The following CPA6 variants were observed in gnomAD, a reference collection of about 807,000 sequenced individuals.
CPA6 encodes carboxypeptidase B.
CPA6 carries 58 observed loss-of-function variants against 63.3 expected under a neutral mutation model. The ratio of observed to expected loss-of-function variants is 0.92; its 90% CI spans 0.74 to 1.14. The LOEUF is 1.14. CPA6 is among the 50% of genes most tolerant of loss of function. CPA6 has a pLI of 0.00. For synonymous variants in CPA6, 185 were observed against 179.0 expected, an observed-to-expected ratio of 1.03 and a Z score of -0.27; for missense variants, 565 against 526.6, an observed-to-expected ratio of 1.07 and a Z score of -0.71.
At chr8:67,590,309 T>A (rs1332475742) in intron 2 of CPA6, among the ~76,000 whole-genome samples, 1 of 151,624 alleles carries the variant, frequency 6.6e-6, no homozygotes, top group Non-Finnish European at 1.5e-5. Context: ...TTTGGCTTGG[T>A]TCCAAGTCTT....
chr8:67,546,308 A>G (rs2128971932), intron 2 of CPA6, among the ~76,000 whole-genome samples: 1 of 152,338 alleles, frequency 6.6e-6, no homozygotes, highest in South Asian at 2.1e-4. Context: ...AGTGAGTTTT[A>G]TGAAATGATT....
chr8:67,633,737 G>A (rs550564831), intron 1 of CPA6, among the ~76,000 whole-genome samples: 1 of 150,732 alleles, frequency 6.6e-6, no homozygotes, highest in South Asian at 2.1e-4. Flanking sequence ...CTAGTGGTTT[G>A]CAAGTTATGC....
chr8:67,733,609 G>T (rs905427688), intron 1 of CPA6, among the ~76,000 whole-genome samples: 3 of 152,098 alleles, frequency 2.0e-5, no homozygotes, highest in Admixed American at 2.0e-4. Flanking sequence ...AACTTCACAA[G>T]ATACTTTGTT....
intron 6 of CPA6, among the ~76,000 whole-genome samples, chr8:67,506,179 C>T (rs1022758462): frequency 6.6e-6 from 1 of 152,140 alleles, no homozygotes; most frequent in Admixed American, 6.6e-5. Flanking sequence ...ACTCAACACA[C>T]TAGCTCAGAG....
chr8:67,539,296 C>A (rs1812656164), intron 2 of CPA6, among the ~76,000 whole-genome samples: 1 of 152,168 alleles, frequency 6.6e-6, no homozygotes. Flanking sequence ...GTTGAAAATT[C>A]TTTTCTTTAA....
At chr8:67,496,563 TTTA>T (rs1811723052) in intron 6 of CPA6, among the ~76,000 whole-genome samples, 3 of 124,208 alleles carry the variant, frequency 2.4e-5, no homozygotes, top group Non-Finnish European at 4.8e-5. Flanking sequence ...ATATATTTAT[TTTA>T]TTTTTTTTTT....
chr8:67,708,866 C>T (rs766877644), intron 1 of CPA6, among the ~76,000 whole-genome samples: 2 of 152,078 alleles, frequency 1.3e-5, no homozygotes, highest in Non-Finnish European at 2.9e-5. Flanking sequence ...CAGGAGAGGG[C>T]CCCCAACCCC....
At position 67,639,883 on chromosome 8, in the gene CPA6, G is replaced by A. The variant is rs144335273; in HGVS notation, c.117-15632C>T. ...GAATAGCTCAGAGGAGACCTATAGTGGGTAGTTCCTCTCTATAGCCAGGGT... is the reference window on the plus strand; with the variant it reads ...GAATAGCTCAGAGGAGACCTATAGTAGGTAGTTCCTCTCTATAGCCAGGGT... On this transcript the variant is annotated intron_variant, in intron 1 of 10. Transcript: ENST00000297770. 9.8e-4 allele frequency among the ~76,000 whole-genome samples: 149 copies of A among 151,536 alleles called. 6 individuals are homozygous for A. The highest frequency in any genetic ancestry group is 3.5e-3 in the African/African-American group (142 of 40,844).
At chr8:67,457,925 C>T (rs971004736) in intron 8 of CPA6, among the ~76,000 whole-genome samples, 1 of 152,158 alleles carries the variant, frequency 6.6e-6, no homozygotes, top group South Asian at 2.1e-4. Flanking sequence ...TTCATTTCCT[C>T]TCTTGAAACC....
At chr8:67,548,231 T>G (rs1587546804) in intron 2 of CPA6, among the ~76,000 whole-genome samples, 1 of 106,424 alleles carries the variant, frequency 9.4e-6, no homozygotes, top group Non-Finnish European at 1.8e-5. Flanking sequence ...TCTCCTCCCC[T>G]CCCCTCTCCT....
chr8:67,426,200 C>G (rs1015314409), intron 10 of CPA6, among the ~76,000 whole-genome samples: 2 of 152,306 alleles, frequency 1.3e-5, no homozygotes, highest in Middle Eastern at 3.4e-3. Context: ...AACTCCTGAC[C>G]TCAGATGATC....
chr8:67,507,974 T>C (rs2128965046), intron 5 of CPA6, among the ~76,000 whole-genome samples: 1 of 151,318 alleles, frequency 6.6e-6, no homozygotes, highest in South Asian at 2.1e-4. Flanking sequence ...GAGATGAGGC[T>C]TCCTCCTGTA....
intron 8 of CPA6, among the ~76,000 whole-genome samples, chr8:67,455,969 C>A (rs889362316): frequency 2.0e-5 from 3 of 152,146 alleles, no homozygotes; most frequent in Non-Finnish European, 1.5e-5. Context: ...CTTGCCTCAG[C>A]TTCCCAAAGT....
intron 2 of CPA6, among the ~76,000 whole-genome samples, chr8:67,537,541 C>A (rs1397424320): frequency 6.6e-6 from 1 of 152,046 alleles, no homozygotes; most frequent in Non-Finnish European, 1.5e-5. Context: ...GTGGTGATAT[C>A]CCCTTTGTCA....
intron 2 of CPA6, among the ~76,000 whole-genome samples, chr8:67,590,599 G>A (rs1291848958): frequency 6.6e-6 from 1 of 152,162 alleles, no homozygotes; most frequent in African/African-American, 2.4e-5. Context: ...GTGTGAGATG[G>A]TATCTCATTG....
At chr8:67,538,820 C>A (rs921319159) in intron 2 of CPA6, among the ~76,000 whole-genome samples, 3 of 151,876 alleles carry the variant, frequency 2.0e-5, no homozygotes, top group Admixed American at 2.0e-4. Flanking sequence ...CCACTATGCC[C>A]GGCTAATTTT....
chr8:67,667,147 T>TG (rs1816248944), intron 1 of CPA6, among the ~76,000 whole-genome samples: 1 of 152,226 alleles, frequency 6.6e-6, no homozygotes, highest in Non-Finnish European at 1.5e-5. Context: ...TGAAACTTGC[T>TG]GGTGGACTCC....
chr8:67,614,659 A>G (rs535534212), intron 2 of CPA6, among the ~76,000 whole-genome samples: 1 of 152,168 alleles, frequency 6.6e-6, no homozygotes, highest in Non-Finnish European at 1.5e-5. Context: ...GTCTACATGC[A>G]GTGTGTGTAG....
intron 6 of CPA6, among the ~76,000 whole-genome samples, chr8:67,501,060 T>C (rs886413021): frequency 6.6e-6 from 1 of 152,142 alleles, no homozygotes; most frequent in Non-Finnish European, 1.5e-5. Flanking sequence ...TCCTTTGCCA[T>C]TCCATATACT....
Sources: allele counts gnomAD v4.1 joint callset (sites outside exome capture counted in the v4.1 genomes callset), GRCh38; gene constraint gnomAD v4.1.1; transcripts MANE v1.5; gene names NCBI Gene and HGNC (gene_info 2026-07-23, HGNC 2026-07-21).